Variants in CRABP1 observed in about 807,000 individuals in gnomAD.
CRABP1 encodes cellular retinoic acid-binding protein 1.
A neutral mutation model predicts 16.4 loss-of-function variants in CRABP1; 9 were observed. That is an observed-to-expected ratio of 0.55 (90% CI 0.33 to 0.96). CRABP1 has a LOEUF of 0.96. Ranked by LOEUF, CRABP1 falls within the 40% of genes least tolerant of loss-of-function variation. CRABP1 has a pLI of 0.03. For missense variants in CRABP1, 157 were observed against 186.0 expected (o/e 0.84, Z 0.91); for synonymous variants, 72 against 70.4 (o/e 1.02, Z -0.11).
In CRABP1 at chr15:78,341,512, G is replaced by A; in HGVS notation, c.249+291G>A. The A allele has an allele frequency of 2.5e-6, 1 of 394,306 alleles. No individual in the cohort carries two copies. Among genetic ancestry groups the A allele is most frequent in the Admixed American group, 3.8e-5 (1 of 26,548 alleles). 24.4% of individuals were successfully genotyped at this position (394,306 alleles called of 1,614,324 possible). The stretch of plus-strand genomic sequence containing the variant: ...CGCCGCGTTCCCAGCAGTGGCTTTT[G>A]CAGCGGTTTGCAGCGCCAAGCGCAG... On this transcript the variant is annotated intron_variant, in intron 2 of 3. Transcript: ENST00000299529. This position sits in a 1 kb window ranked among gnomAD's most constrained non-coding sequence, Gnocchi z 5.3.
intron 3 of CRABP1, among the ~76,000 whole-genome samples, chr15:78,345,904 C>T (rs1477518356): frequency 1.3e-5 from 2 of 152,166 alleles, no homozygotes; most frequent in African/African-American, 2.4e-5. Flanking sequence ...AGTAAATTGC[C>T]CCCAGGCTAT....
chr15:78,342,371 T>C (rs2050240127), intron 2 of CRABP1, among the ~76,000 whole-genome samples: 2 of 150,888 alleles, frequency 1.3e-5, no homozygotes, highest in South Asian at 2.1e-4. Flanking sequence ...AGGGTAATTC[T>C]GATTTAAAAA....
Position 78,341,360 on chromosome 15 carries a change from A to T in CRABP1, c.249+139A>T. ...GGGTGTGTACACTGGCTGTTTGCAG[A>T]GGGGGTTTGTGCATCCTAGTTGCCC... On this transcript the variant is annotated intron_variant, in intron 2 of 3. Coordinates refer to ENST00000299529, the MANE Select transcript of CRABP1 (RefSeq NM_004378.3). This position sits in a 1 kb window ranked among gnomAD's most constrained non-coding sequence, Gnocchi z 5.3. 1.0e-6 allele frequency: 1 copy of T among 975,668 alleles called. No individual in the cohort carries two copies. Among genetic ancestry groups the T allele is most frequent in the South Asian group, 1.4e-5 (1 of 69,656 alleles). 60.4% of individuals were successfully genotyped at this position (975,668 alleles called of 1,614,324 possible).
chr15:78,341,421 C>G lies in CRABP1; in HGVS notation c.249+200C>G. 3.2e-6 allele frequency: 2 copies of G among 629,506 alleles called. No homozygotes were observed. The highest frequency in any genetic ancestry group is 5.8e-6 in the Non-Finnish European group (2 of 347,440). The allele number at this position is 629,506 out of a possible 1,614,324, so 39.0% of individuals were successfully genotyped here. ...ACAAAGTATTACCTTCATTCCATCT[C>G]AACCCCATCCCTACGCTGCCTCCCG... On this transcript the variant is annotated intron_variant, in intron 2 of 3. Transcript: ENST00000299529. This position sits in a 1 kb window ranked among gnomAD's most constrained non-coding sequence, Gnocchi z 5.3.
At position 78,341,011 on chromosome 15, in the gene CRABP1, C is replaced by G. The variant is rs752572428; in HGVS notation, c.71-32C>G. 6.3e-6 allele frequency: 10 copies of G among 1,583,718 alleles called. No individual in the cohort carries two copies. The Admixed American group carries it at 6.8e-5, about 11-fold the overall frequency. ...GGTCCCGAGACTGGCGGCGAGGCCCCGTGACCCAAGCCTGTGGTGCACCCT... is the reference window on the plus strand; with the variant it reads ...GGTCCCGAGACTGGCGGCGAGGCCCGGTGACCCAAGCCTGTGGTGCACCCT... On this transcript the variant is annotated intron_variant, in intron 1 of 3. Transcript: ENST00000299529. The surrounding 1 kb of genome is among the most constrained non-coding windows in gnomAD (Gnocchi z 5.3).
chr15:78,341,113 C>A lies in CRABP1; in HGVS notation c.141C>A (p.Asp47Glu), dbSNP rs1157731369. 6.2e-7 allele frequency: 1 copy of A among 1,612,924 alleles called. No individual in the cohort carries two copies. Among genetic ancestry groups the A allele is most frequent in the African/African-American group, 1.3e-5 (1 of 74,900 alleles). Residue 47 changes from aspartate to glutamate, a missense_variant, in exon 2 of 4, where the codon GAC (aspartate) becomes GAA (glutamate). Physicochemically the swap from Asp to Glu is conservative, Grantham distance 45. Coordinates refer to ENST00000299529, the MANE Select transcript of CRABP1 (RefSeq NM_004378.3). This position sits in a 1 kb window ranked among gnomAD's most constrained non-coding sequence, Gnocchi z 5.3. ...ASKPHVEIRQDGDQFYIKTST... is the reference protein window; with the variant it reads ...ASKPHVEIRQEGDQFYIKTST... The stretch of plus-strand genomic sequence containing the variant: ...AGCCGCACGTGGAGATCCGCCAGGA[C>A]GGGGATCAGTTCTACATCAAGACAT...
In CRABP1 at chr15:78,342,000, A is replaced by ATTT. The variant is rs550221322; in HGVS notation, c.249+789_249+791dup. Among the ~76,000 whole-genome samples the ATTT allele has an allele frequency of 1.4e-5, 2 of 147,184 alleles. No individual in the cohort carries two copies. Among genetic ancestry groups the ATTT allele is most frequent in the African/African-American group, 5.0e-5 (2 of 40,356 alleles). On this transcript the variant is annotated intron_variant, in intron 2 of 3. Transcript: ENST00000299529. This position sits in a 1 kb window ranked among gnomAD's most constrained non-coding sequence, Gnocchi z 5.3. ...CAGAATGTCTCCCTCCCCTTCTCCA[A>ATTT]TTTTTTTTTTTTAAAGAAAAAAGTC...
At chr15:78,343,758 G>A (rs1209520402) in intron 3 of CRABP1, 146 bp downstream of exon 3, 1 of 626,858 alleles carries the variant, frequency 1.6e-6, no homozygotes, top group African/African-American at 1.8e-5. Context: ...AACCCGAGAT[G>A]ACAGTTCAGG....
Position 78,341,889 on chromosome 15 carries a change from C to G in CRABP1, c.249+668C>G, listed in dbSNP as rs1299421954. On this transcript the variant is annotated intron_variant, in intron 2 of 3. Transcript: ENST00000299529. This position sits in a 1 kb window ranked among gnomAD's most constrained non-coding sequence, Gnocchi z 5.3. ...CGGTGGATTGAAGCAAGGGGTTGTACATTCGTTTTTTGCATGGGCAAAAAT... is the reference window on the plus strand; with the variant it reads ...CGGTGGATTGAAGCAAGGGGTTGTAGATTCGTTTTTTGCATGGGCAAAAAT... 4 of 152,440 alleles carry G rather than the reference C, an allele frequency of 2.6e-5. No individual in the cohort carries two copies. In the East Asian group the frequency reaches 7.7e-4, roughly 29 times the overall value. 9.4% of individuals were successfully genotyped at this position (152,440 alleles called of 1,614,324 possible).
chr15:78,341,997 C>T lies in CRABP1; in HGVS notation c.249+776C>T, dbSNP rs2050238120. Among the ~76,000 whole-genome samples, 1 of 151,276 alleles carries T rather than the reference C, an allele frequency of 6.6e-6. No individual in the cohort carries two copies. Among genetic ancestry groups the T allele is most frequent in the Admixed American group, 6.6e-5 (1 of 15,238 alleles). ...TGACAGAATGTCTCCCTCCCCTTCT[C>T]CAATTTTTTTTTTTTAAAGAAAAAA... On this transcript the variant is annotated intron_variant, in intron 2 of 3. Transcript: ENST00000299529. The surrounding 1 kb of genome is among the most constrained non-coding windows in gnomAD (Gnocchi z 5.3).
intron 2 of CRABP1, 73 bp from the exon 3 acceptor site, chr15:78,343,425 TC>T: frequency 8.6e-7 from 1 of 1,159,062 alleles, no homozygotes; most frequent in South Asian, 1.3e-5. Context: ...CAATTATTTT[TC>T]AATGCTCATT....
chr15:78,348,225 A>G lies in CRABP1; in HGVS notation c.*248A>G. 1 of 528,796 alleles carries G rather than the reference A, an allele frequency of 1.9e-6. No homozygotes were observed. The highest frequency in any genetic ancestry group is 3.3e-6 in the Non-Finnish European group (1 of 298,814). The allele number at this position is 528,796 out of a possible 1,614,324, so 32.8% of individuals were successfully genotyped here. A position where few individuals can be genotyped will look rare whatever the true frequency, so the allele number is the denominator to read the frequency against. On this transcript the variant is annotated 3_prime_UTR_variant, in exon 4 of 4. Coordinates refer to ENST00000299529, the MANE Select transcript of CRABP1 (RefSeq NM_004378.3). ...CATTAAACTGGTTAGACGTGTCTCA[A>G]CCTTTTCCCTTTTTTGGTTTGCCTC...
chr15:78,346,340 A>G lies in CRABP1; in HGVS notation c.364-1587A>G, dbSNP rs1048243111. ...AGGACAAAGGTGTCCAGGAGTGGGT[A>G]TAACTGCCAGTCTGGTCAGGAGATC... On this transcript the variant is annotated intron_variant, in intron 3 of 3. Transcript: ENST00000299529. 9.2e-5 allele frequency among the ~76,000 whole-genome samples: 14 copies of G among 152,300 alleles called. No homozygotes were observed. The East Asian group carries it at 2.7e-3, about 29-fold the overall frequency.
At chr15:78,345,477 G>T (rs528109041) in intron 3 of CRABP1, among the ~76,000 whole-genome samples, 1 of 152,262 alleles carries the variant, frequency 6.6e-6, no homozygotes, top group Admixed American at 6.5e-5. Context: ...AGGAGAAAAG[G>T]CGTATATGGT....
In CRABP1 at chr15:78,341,114, G is replaced by A. The variant is rs539701191; in HGVS notation, c.142G>A (p.Gly48Arg). 6.2e-7 allele frequency: 1 copy of A among 1,613,034 alleles called. No homozygotes were observed. ...GCCGCACGTGGAGATCCGCCAGGAC[G>A]GGGATCAGTTCTACATCAAGACATC... ...SKPHVEIRQDGDQFYIKTSTT... is the reference protein window; with the variant it reads ...SKPHVEIRQDRDQFYIKTSTT... Residue 48 changes from glycine (G) to arginine (R), a missense_variant, in exon 2 of 4, where the codon GGG becomes AGG. By Grantham distance (125) the Gly-to-Arg change is moderately radical. Transcript: ENST00000299529. This position sits in a 1 kb window ranked among gnomAD's most constrained non-coding sequence, Gnocchi z 5.3.
chr15:78,340,897 T>C lies in CRABP1; in HGVS notation c.71-146T>C, dbSNP rs945285711. The C allele has an allele frequency of 8.6e-6, 7 of 816,106 alleles. No individual in the cohort carries two copies. The African/African-American group carries it at 1.0e-4, about 12-fold the overall frequency. The allele number at this position is 816,106 out of a possible 1,614,324, so 50.6% of individuals were successfully genotyped here. The stretch of plus-strand genomic sequence containing the variant: ...CTTACCCTCTCTGTGCCTCAGTCTC[T>C]CATCTCGAAAACAAGGGCGAGGGCA... On this transcript the variant is annotated intron_variant, in intron 1 of 3. Transcript: ENST00000299529.
At chr15:78,344,456 T>C in intron 3 of CRABP1, among the ~76,000 whole-genome samples, 1 of 148,338 alleles carries the variant, frequency 6.7e-6, no homozygotes, top group African/African-American at 2.5e-5. Flanking sequence ...ACTCTGTCTC[T>C]AAAAAAAAAA....
Position 78,348,034 on chromosome 15 carries a change from G to C in CRABP1, c.*57G>C. 6.4e-7 allele frequency: 1 copy of C among 1,554,684 alleles called. No homozygotes were observed. The highest frequency in any genetic ancestry group is 2.2e-5 in the East Asian group (1 of 44,562). ...GGATGCAGGCTCCCCTGAGGAATATGTCATAGTTCTGAGCTGCCAGTGGAC... is the reference window on the plus strand; with the variant it reads ...GGATGCAGGCTCCCCTGAGGAATATCTCATAGTTCTGAGCTGCCAGTGGAC... On this transcript the variant is annotated 3_prime_UTR_variant, in exon 4 of 4. Coordinates refer to ENST00000299529, the MANE Select transcript of CRABP1 (RefSeq NM_004378.3).
intron 1 of CRABP1, 145 bp from the exon 2 acceptor site, chr15:78,340,898 C>A: frequency 1.2e-6 from 1 of 822,106 alleles, no homozygotes; most frequent in Non-Finnish European, 1.9e-6. Flanking sequence ...CTCAGTCTCT[C>A]ATCTCGAAAA....
Sources: allele counts gnomAD v4.1 joint callset (sites outside exome capture counted in the v4.1 genomes callset), GRCh38; gene constraint gnomAD v4.1.1; non-coding constraint Gnocchi (gnomAD v3.1); transcripts MANE v1.5; gene names NCBI Gene and HGNC (gene_info 2026-07-23, HGNC 2026-07-21).